SNX31: variants seen among roughly 807,000 people sequenced by gnomAD.
SNX31 encodes sorting nexin 31.
A neutral mutation model predicts 65.4 loss-of-function variants in SNX31; 58 were observed. That is an observed-to-expected ratio of 0.89 (90% CI 0.72 to 1.10). SNX31 has a LOEUF of 1.10. Among genes scored for constraint, SNX31 ranks in the 50% least tolerant of loss-of-function variants. SNX31 has a pLI of 0.00. For missense variants in SNX31, 523 were observed against 529.7 expected, an observed-to-expected ratio of 0.99 and a Z score of 0.12; for synonymous variants, 181 against 190.1, an observed-to-expected ratio of 0.95 and a Z score of 0.39.
chr8:100,658,691 C>T (rs1051953608), intron 1 of SNX31, among the ~76,000 whole-genome samples: 6 of 152,192 alleles, frequency 3.9e-5, no homozygotes, highest in Non-Finnish European at 1.5e-5. Flanking sequence ...ATTTGAAACT[C>T]GAGTGCCCAG....
intron 3 of SNX31, among the ~76,000 whole-genome samples, chr8:100,631,438 T>A (rs1158354433): frequency 1.8e-5 from 1 of 55,530 alleles, no homozygotes; most frequent in Non-Finnish European, 3.2e-5. Context: ...GCTGTTTTAC[T>A]TTTTTTTTTT....
chr8:100,597,175 T>C (rs1178234911), intron 9 of SNX31, among the ~76,000 whole-genome samples: 1 of 151,530 alleles, frequency 6.6e-6, no homozygotes, highest in Non-Finnish European at 1.5e-5. Context: ...AAAGAGTCCA[T>C]AAAATGGATG....
In SNX31 at chr8:100,578,366, C is replaced by T. The variant is rs140804132; in HGVS notation, c.1171-1291G>A. Among the ~76,000 whole-genome samples, 9 of 152,192 alleles carry T rather than the reference C, an allele frequency of 5.9e-5. No homozygotes were observed. Among genetic ancestry groups the T allele is most frequent in the African/African-American group, 1.7e-4 (7 of 41,456 alleles). ...CAATTGTCAACGTCTCTGTATTAAT[C>T]GCCTTTCTCCTCCAACATATTAGCT... On this transcript the variant is annotated intron_variant, in intron 12 of 13. Coordinates refer to ENST00000311812, the MANE Select transcript of SNX31 (RefSeq NM_152628.4). This position sits in a 1 kb window ranked among gnomAD's most constrained non-coding sequence, Gnocchi z 4.7.
intron 2 of SNX31, among the ~76,000 whole-genome samples, chr8:100,647,969 A>G (rs1819750842): frequency 6.6e-6 from 1 of 152,246 alleles, no homozygotes; most frequent in African/African-American, 2.4e-5. Context: ...ATCATTTGAC[A>G]ATCGTTCCTA....
upstream of SNX31, among the ~76,000 whole-genome samples, chr8:100,652,008 T>G (rs923129372): frequency 6.6e-6 from 1 of 152,136 alleles, no homozygotes; most frequent in African/African-American, 2.4e-5. Flanking sequence ...AAACAGTGTC[T>G]TGCTCAGTCA....
At position 100,629,517 on chromosome 8, in the gene SNX31, G is replaced by C. The variant is rs1818280640; in HGVS notation, c.321+810C>G. 6.6e-6 allele frequency among the ~76,000 whole-genome samples: 1 copy of C among 152,186 alleles called. No homozygotes were observed. The highest frequency in any genetic ancestry group is 2.1e-4 in the South Asian group (1 of 4,826). ...TTGAACCCCTGTTTACATGAGATTT[G>C]TTGTGAGAACCCAATGGGATTTTAT... On this transcript the variant is annotated intron_variant, in intron 4 of 13. Coordinates refer to ENST00000311812, the MANE Select transcript of SNX31 (RefSeq NM_152628.4). The surrounding 1 kb of genome is among the most constrained non-coding windows in gnomAD (Gnocchi z 5.1).
chr8:100,649,567 C>A lies in SNX31; in HGVS notation c.-53G>T. ...TGGGAACCCGACCTGCGGCGGCGGG[C>A]GGTGCGCGGCTCTGAACTCGGCAGC... is the stretch of plus-strand genomic sequence containing the variant. On this transcript the variant is annotated 5_prime_UTR_variant, in exon 1 of 14. Transcript: ENST00000311812. 2 of 1,515,088 alleles carry A rather than the reference C, an allele frequency of 1.3e-6. No individual in the cohort carries two copies. Among genetic ancestry groups the A allele is most frequent in the African/African-American group, 1.4e-5 (1 of 72,510 alleles). The allele number at this position is 1,515,088 out of a possible 1,614,324, so 93.9% of individuals were successfully genotyped here.
chr8:100,657,683 AT>A (rs1820073891), intron 1 of SNX31: 2 of 455,962 alleles, frequency 4.4e-6, no homozygotes, highest in Non-Finnish European at 8.8e-6. Flanking sequence ...GGGATTGGGA[AT>A]ACAGGTGAAG....
chr8:100,585,288 T>C (rs1431832909), intron 11 of SNX31, among the ~76,000 whole-genome samples: 1 of 152,192 alleles, frequency 6.6e-6, no homozygotes, highest in Non-Finnish European at 1.5e-5. Context: ...TGTTTTCTCC[T>C]TTGGCCCTAC....
chr8:100,618,398 G>C, intron 4 of SNX31: 1 of 1,421,300 alleles, frequency 7.0e-7, no homozygotes, highest in Non-Finnish European at 9.6e-7. Flanking sequence ...CTAATTGTGG[G>C]TGGGGGCAGG....
intron 10 of SNX31, among the ~76,000 whole-genome samples, chr8:100,595,643 C>T (rs1487562973): frequency 6.6e-6 from 1 of 152,032 alleles, no homozygotes; most frequent in Non-Finnish European, 1.5e-5. Flanking sequence ...TCTGGTTTGG[C>T]AATTAGGGTG....
intron 1 of SNX31, among the ~76,000 whole-genome samples, chr8:100,656,060 G>A (rs1379343796): frequency 2.0e-5 from 3 of 152,174 alleles, no homozygotes; most frequent in Non-Finnish European, 2.9e-5. Flanking sequence ...GTGCTTTAGT[G>A]TATGGAGGGC....
At chr8:100,602,630 A>C (rs1014959330) in intron 8 of SNX31, among the ~76,000 whole-genome samples, 1 of 152,216 alleles carries the variant, frequency 6.6e-6, no homozygotes, top group Non-Finnish European at 1.5e-5. Flanking sequence ...CTACTCTTGC[A>C]CTTTAGGGCC....
At chr8:100,574,710 G>A (rs1812899263) in intron 13 of SNX31, among the ~76,000 whole-genome samples, 1 of 151,974 alleles carries the variant, frequency 6.6e-6, no homozygotes, top group South Asian at 2.1e-4. Context: ...TGAGGTGGTG[G>A]ATCACTTGAG....
intron 2 of SNX31, 105 bp downstream of exon 2, chr8:100,649,169 G>A: frequency 1.8e-6 from 2 of 1,125,116 alleles, no homozygotes; most frequent in Non-Finnish European, 2.6e-6. Context: ...CCGAGGCCGT[G>A]AAAGGCCCAG....
At chr8:100,658,634 T>C (rs1809710332) in intron 1 of SNX31, among the ~76,000 whole-genome samples, 1 of 152,216 alleles carries the variant, frequency 6.6e-6, no homozygotes, top group South Asian at 2.1e-4. Flanking sequence ...TCAGAGAGGT[T>C]AAGCATCTTG....
intron 8 of SNX31, among the ~76,000 whole-genome samples, chr8:100,605,550 A>G (rs1170950565): frequency 1.3e-5 from 2 of 152,172 alleles, no homozygotes; most frequent in African/African-American, 2.4e-5. Context: ...GAGAAAACTT[A>G]GAGATTATGT....
At chr8:100,650,862 T>TTG (rs1554590105), upstream of SNX31, among the ~76,000 whole-genome samples, 5 of 150,440 alleles carry the variant, frequency 3.3e-5, no homozygotes, top group African/African-American at 1.2e-4. Flanking sequence ...TTTTTTTTTT[T>TTG]TTGTTTTGAG....
chr8:100,644,557 G>A (rs1212858916), intron 2 of SNX31, among the ~76,000 whole-genome samples: 1 of 152,344 alleles, frequency 6.6e-6, no homozygotes, highest in Non-Finnish European at 1.5e-5. Context: ...GCCAGAGCCC[G>A]AGGGAGCCTC....
Sources: allele counts gnomAD v4.1 joint callset (sites outside exome capture counted in the v4.1 genomes callset), GRCh38; gene constraint gnomAD v4.1.1; non-coding constraint Gnocchi (gnomAD v3.1); transcripts MANE v1.5; gene names NCBI Gene and HGNC (gene_info 2026-07-23, HGNC 2026-07-21).